The following TCF3 variants were observed in gnomAD, a reference collection of about 807,000 sequenced individuals.
TCF3 encodes the protein transcription factor E2-alpha.
In TCF3, 54 loss-of-function variants were observed where a neutral mutation model predicts 72.3. The ratio of observed to expected loss-of-function variants is 0.75; its 90% CI spans 0.60 to 0.94. The LOEUF (loss-of-function observed/expected upper bound fraction) is 0.94, where lower values mean the gene tolerates loss of function less well. Ranked by LOEUF, TCF3 falls within the 40% of genes least tolerant of loss-of-function variation. TCF3 has a pLI of 0.00. For missense variants in TCF3, 1,078 were observed against 934.4 expected (o/e 1.15, Z -2.00); for synonymous variants, 525 against 412.6 (o/e 1.27, Z -3.30).
chr19:1,612,160 G>A (rs2061068434), intron 18 of TCF3: 1 of 1,517,048 alleles, frequency 6.6e-7, no homozygotes, highest in Non-Finnish European at 8.9e-7. Context: ...GCACCTGGGT[G>A]TGGGGAAGGG....
At position 1,610,727 on chromosome 19, in the gene TCF3, C is replaced by T. The variant is rs1017034751; in HGVS notation, c.*980G>A. On this transcript the variant is annotated 3_prime_UTR_variant, in exon 19 of 19. Coordinates refer to ENST00000262965, the MANE Select transcript of TCF3 (RefSeq NM_003200.5). ...AGTCACCTGGGAGGGTCAGAGCCAC[C>T]TTGCTGACGTCCCTTCCCCCAAGCC... is the stretch of plus-strand genomic sequence containing the variant. The T allele has an allele frequency of 4.3e-6, 1 of 231,512 alleles. No homozygotes were observed. Among genetic ancestry groups the T allele is most frequent in the African/African-American group, 2.2e-5 (1 of 45,176 alleles). 14.3% of individuals were successfully genotyped at this position (231,512 alleles called of 1,614,324 possible).
intron 3 of TCF3, among the ~76,000 whole-genome samples, chr19:1,641,549 TTC>T (rs771584619): frequency 3.6e-4 from 54 of 152,086 alleles, no homozygotes; most frequent in Admixed American, 8.5e-4. Flanking sequence ...GCCTCCCAGG[TTC>T]AAGTGCTTTT....
In TCF3 at chr19:1,622,096, T is replaced by TCC; in HGVS notation, c.778_779dup (p.Ser261GlufsTer24). 1 of 1,606,550 alleles carries TCC rather than the reference T, an allele frequency of 6.2e-7. No homozygotes were observed. The highest frequency in any genetic ancestry group is 8.5e-7 in the Non-Finnish European group (1 of 1,177,952). On this transcript the variant is annotated frameshift_variant, in exon 10 of 19. Coordinates refer to ENST00000262965, the MANE Select transcript of TCF3 (RefSeq NM_003200.5). LOFTEE classifies it high-confidence loss of function. ...GCAGGCCACCAAACGTGCTGCTGCTTCCACTGCTGCCCACCGGGCCGCTAC... is the reference window on the plus strand; with the variant it reads ...GCAGGCCACCAAACGTGCTGCTGCTTCCCCACTGCTGCCCACCGGGCCGCTAC...
chr19:1,632,185 G>A (rs554293000), intron 4 of TCF3, 69 bp from the exon 5 acceptor site: 4 of 1,570,084 alleles, frequency 2.5e-6, no homozygotes. Context: ...CCGCATTACA[G>A]CTGGAGAGGC....
chr19:1,645,211 C>T lies in TCF3; in HGVS notation c.145+1144G>A, dbSNP rs568088671. 4.8e-4 allele frequency among the ~76,000 whole-genome samples: 73 copies of T among 152,162 alleles called. 1 individual carries two copies. The highest frequency in any genetic ancestry group is 2.1e-3 in the South Asian group (10 of 4,822). ...GGGGATTCTGGAGATAACTGCAGGA[C>T]GGCGCTTTCCACCCAGATCCCGGAG... On this transcript the variant is annotated intron_variant, in intron 3 of 18. Transcript: ENST00000262965.
chr19:1,650,609 A>C (rs1467235124), intron 1 of TCF3: 1 of 277,428 alleles, frequency 3.6e-6, no homozygotes, highest in Admixed American at 5.2e-5. Flanking sequence ...AACTGCACGC[A>C]GGGCAGCCAG....
chr19:1,631,049 C>A (rs1478610895), intron 5 of TCF3, among the ~76,000 whole-genome samples: 1 of 152,232 alleles, frequency 6.6e-6, no homozygotes, highest in East Asian at 1.9e-4. Context: ...CCCTGCAGCA[C>A]GGGTGAGCCT....
chr19:1,609,320 A>G lies in TCF3; in HGVS notation c.*2387T>C, dbSNP rs1339890064. ...GTTATAAAATGTCACGTTTATTGCT[A>G]CAGTGCTGTTATATACAGGACAGGT... is the stretch of plus-strand genomic sequence containing the variant. On this transcript the variant is annotated 3_prime_UTR_variant, in exon 19 of 19. Coordinates refer to ENST00000262965, the MANE Select transcript of TCF3 (RefSeq NM_003200.5). The G allele has an allele frequency of 1.6e-5, 3 of 184,042 alleles. No homozygotes were observed. Among genetic ancestry groups the G allele is most frequent in the African/African-American group, 7.1e-5 (3 of 42,546 alleles). 11.4% of individuals were successfully genotyped at this position (184,042 alleles called of 1,614,324 possible).
intron 13 of TCF3, 145 bp downstream of exon 13, chr19:1,620,823 C>T: frequency 1.2e-6 from 1 of 838,346 alleles, no homozygotes; most frequent in Non-Finnish European, 1.7e-6. Flanking sequence ...CCATCTGCTC[C>T]CTCCCCGCTG....
At chr19:1,632,569 G>A (rs1035626482) in intron 3 of TCF3, among the ~76,000 whole-genome samples, 164 bp from the exon 4 acceptor site, 20 of 152,134 alleles carry the variant, frequency 1.3e-4, no homozygotes, top group Admixed American at 9.8e-4. Context: ...CCAGTCAGCA[G>A]CTAACACCCA....
intron 8 of TCF3, 49 bp from the exon 9 acceptor site, chr19:1,622,464 G>C: frequency 9.6e-7 from 1 of 1,038,756 alleles, no homozygotes; most frequent in Non-Finnish European, 1.4e-6. Flanking sequence ...GAGGGACCAC[G>C]ATCAGCCCAT....
intron 16 of TCF3, among the ~76,000 whole-genome samples, chr19:1,617,659 C>T (rs1418022834): frequency 6.6e-6 from 1 of 152,264 alleles, no homozygotes; most frequent in African/African-American, 2.4e-5. Context: ...CAACGCCAGC[C>T]ACCAGGACCA....
At chr19:1,626,563 G>C (rs1422627555) in intron 6 of TCF3, among the ~76,000 whole-genome samples, 2 of 152,168 alleles carry the variant, frequency 1.3e-5, no homozygotes, top group South Asian at 2.1e-4. Context: ...CCCGCACCCT[G>C]TGTGGCCACC....
At chr19:1,621,092 C>A (rs2146086485) in intron 12 of TCF3, 41 bp downstream of exon 12, 1 of 1,522,092 alleles carries the variant, frequency 6.6e-7, no homozygotes, top group Non-Finnish European at 8.9e-7. Context: ...GCCGGCCTCT[C>A]AGGTCACTTG....
intron 7 of TCF3, among the ~76,000 whole-genome samples, chr19:1,624,879 G>A (rs893614859): frequency 6.6e-6 from 1 of 152,092 alleles, no homozygotes; most frequent in African/African-American, 2.4e-5. Flanking sequence ...AGGGTCTTGC[G>A]CTGTTGCTCA....
Position 1,610,024 on chromosome 19 carries a change from T to G in TCF3, c.*1683A>C, listed in dbSNP as rs2060877591. The G allele has an allele frequency of 4.3e-6, 1 of 232,746 alleles. No homozygotes were observed. The highest frequency in any genetic ancestry group is 8.5e-6 in the Non-Finnish European group (1 of 117,752). 14.4% of individuals were successfully genotyped at this position (232,746 alleles called of 1,614,324 possible). On this transcript the variant is annotated 3_prime_UTR_variant, in exon 19 of 19. Transcript: ENST00000262965. ...GGTGCCACAGTGACCACTGCCCTAG[T>G]TCGTGTGGAACTGGATGGGATCCCA... is the stretch of plus-strand genomic sequence containing the variant.
intron 5 of TCF3, among the ~76,000 whole-genome samples, chr19:1,630,551 C>T (rs1021332686): frequency 6.6e-6 from 1 of 152,164 alleles, no homozygotes; most frequent in Non-Finnish European, 1.5e-5. Context: ...GAGGGGTACA[C>T]GGTGAGCACC....
At chr19:1,612,576 C>A (rs984791387) in intron 18 of TCF3, 19 of 753,084 alleles carry the variant, frequency 2.5e-5, no homozygotes, top group East Asian at 5.4e-5. Context: ...TGTTGGTGGG[C>A]ACAGCAGTGT....
rs779448140 is a variant in TCF3, at chr19:1,612,259, G to A, written c.1823-410C>T. 44 of 1,610,936 alleles carry A rather than the reference G, an allele frequency of 2.7e-5. No individual in the cohort carries two copies. The highest frequency in any genetic ancestry group is 3.5e-5 in the Non-Finnish European group (41 of 1,177,986). On this transcript the variant is annotated intron_variant, in intron 18 of 18. Transcript: ENST00000262965. ...TGACCTGCACGGCCTGCTGCAGGATGAGCAGCTTGGTCTGCGCTTTGTCCG... is the reference window on the plus strand; with the variant it reads ...TGACCTGCACGGCCTGCTGCAGGATAAGCAGCTTGGTCTGCGCTTTGTCCG...
Sources: gnomAD v4.1 joint callset for allele counts (sites outside exome capture counted in the v4.1 genomes callset) on GRCh38, gnomAD v4.1.1 for gene constraint, MANE v1.5 for transcripts, NCBI Gene and HGNC (gene_info 2026-07-23, HGNC 2026-07-21) for gene names.